The following MROH9 variants were observed in gnomAD, a reference collection of about 807,000 sequenced individuals.
The protein encoded by MROH9 is maestro heat-like repeat-containing protein family member 9.
MROH9 carries 92 observed loss-of-function variants against 98.2 expected under a neutral mutation model. That is an observed-to-expected ratio of 0.94 (90% CI 0.79 to 1.11). MROH9 has a LOEUF of 1.11. Among genes scored for constraint, MROH9 ranks in the 50% most tolerant of loss-of-function variants. The probability of loss-of-function intolerance (pLI) is 0.00; values close to 1 mark genes in which losing one functional copy is unlikely to be tolerated. For synonymous variants in MROH9, 397 were observed against 368.9 expected (o/e 1.08, Z -0.87); for missense variants, 1,057 against 1,014.8 (o/e 1.04, Z -0.57).
chr1:170,952,127 T>C (rs1341173712), intron 3 of MROH9, among the ~76,000 whole-genome samples: 1 of 151,766 alleles, frequency 6.6e-6, no homozygotes, highest in Non-Finnish European at 1.5e-5. Flanking sequence ...TGTGGAGAAA[T>C]AGGAACACTT....
intron 3 of MROH9, among the ~76,000 whole-genome samples, chr1:170,948,669 A>G (rs944146616): frequency 1.3e-5 from 2 of 152,130 alleles, no homozygotes; most frequent in African/African-American, 4.8e-5. Flanking sequence ...TAAAAAATTC[A>G]GTAGTTAGAA....
chr1:171,033,159 G>C (rs761092800), intron 20 of MROH9, among the ~76,000 whole-genome samples: 4 of 152,258 alleles, frequency 2.6e-5, no homozygotes, highest in Non-Finnish European at 4.4e-5. Flanking sequence ...TGGGGCTTTA[G>C]AAATGGGTGC....
chr1:171,038,173 A>G (rs1198654872), intron 20 of MROH9, among the ~76,000 whole-genome samples: 1 of 152,110 alleles, frequency 6.6e-6, no homozygotes, highest in East Asian at 1.9e-4. Context: ...ATGAATTCTC[A>G]CTGTCTAAAG....
At chr1:170,968,786 T>C (rs940570035) in intron 7 of MROH9, among the ~76,000 whole-genome samples, 1 of 151,722 alleles carries the variant, frequency 6.6e-6, no homozygotes, top group Non-Finnish European at 1.5e-5. Flanking sequence ...AAAAATAAAA[T>C]AAAGAGATAA....
rs746726636 is a variant in MROH9 at position 170,996,617 on chromosome 1, A to T, written c.1448A>T (p.Tyr483Phe). 9 of 1,613,422 alleles carry T rather than the reference A, an allele frequency of 5.6e-6. No individual in the cohort carries two copies. The highest frequency in any genetic ancestry group is 1.7e-6 in the Non-Finnish European group (2 of 1,179,630). Residue 483 changes from tyrosine to phenylalanine, a missense_variant, in exon 14 of 22, where the codon TAC becomes TTC. Transcript: ENST00000367759. ...GACCAGTTATCTGAAGATCTGTGTT[A>T]CTATCATGGAGTCTGCTTTATTGCT... ...FWDQLSEDLC[Y>F]YHGVCFIAKT...
chr1:171,055,630 A>G (rs889989227), intron 20 of MROH9, among the ~76,000 whole-genome samples: 2 of 151,606 alleles, frequency 1.3e-5, no homozygotes, highest in African/African-American at 4.8e-5. Context: ...AAAAAAAAAA[A>G]AAAAAAAAAA....
At position 171,016,268 on chromosome 1, in the gene MROH9, G is replaced by A. The variant is rs866331989; in HGVS notation, c.1840G>A (p.Glu614Lys). 3.2e-6 allele frequency: 5 copies of A among 1,538,634 alleles called. No homozygotes were observed. The highest frequency in any genetic ancestry group is 2.5e-5 in the East Asian group (1 of 40,018). Residue 614 changes from glutamate to lysine, a missense_variant, in exon 17 of 22, where the codon GAA (glutamate) becomes AAA (lysine). Physicochemically the swap from Glu to Lys is moderately conservative, Grantham distance 56 (BLOSUM62 1). Transcript: ENST00000367759. ...ALLTLRRLLN[E>K]LDKVTYSLGT... is the part of the protein sequence containing the mutation. Reference sequence around the variant, plus strand: ...GCTCACCCTTAGAAGGCTTTTAAACGAACTGGACAAAGTGACCTACTCTTT... The same window carrying A: ...GCTCACCCTTAGAAGGCTTTTAAACAAACTGGACAAAGTGACCTACTCTTT...
In MROH9 at chr1:170,989,903, T is replaced by C; in HGVS notation, c.928T>C (p.Cys310Arg). 6.2e-7 allele frequency: 1 copy of C among 1,612,630 alleles called. No individual in the cohort carries two copies. The highest frequency in any genetic ancestry group is 8.5e-7 in the Non-Finnish European group (1 of 1,178,902). The change falls in exon 11 of 22, where the codon TGT becomes CGT. Residue 310 changes from cysteine to arginine, a missense_variant. Physicochemically the swap from Cys to Arg is radical, Grantham distance 180. Coordinates refer to ENST00000367759, the MANE Select transcript of MROH9 (RefSeq NM_001163629.2). ...TTACAGGCAACTGTGTGATAACAATTGTATGAAGGATGTTATGTTGCAGGT... is the reference window on the plus strand; with the variant it reads ...TTACAGGCAACTGTGTGATAACAATCGTATGAAGGATGTTATGTTGCAGGT... Reference protein sequence around the residue: ...AIYRQLCDNNCMKDVMLQVIT... With the variant: ...AIYRQLCDNNRMKDVMLQVIT...
intron 3 of MROH9, among the ~76,000 whole-genome samples, chr1:170,957,436 C>T (rs1191156992): frequency 6.6e-6 from 1 of 152,140 alleles, no homozygotes; most frequent in East Asian, 1.9e-4. Flanking sequence ...CTGTCCTTTG[C>T]CCATTGTGAA....
At chr1:171,032,500 C>G (rs1481943459) in intron 20 of MROH9, among the ~76,000 whole-genome samples, 1 of 151,824 alleles carries the variant, frequency 6.6e-6, no homozygotes, top group African/African-American at 2.4e-5. Context: ...TTTCTTTCTG[C>G]TTGTTTTTCT....
At chr1:170,953,765 A>G (rs1649648654) in intron 3 of MROH9, among the ~76,000 whole-genome samples, 1 of 150,870 alleles carries the variant, frequency 6.6e-6, no homozygotes. Flanking sequence ...AAGAAAGAGA[A>G]AGAAAGGATG....
At chr1:170,954,703 T>C (rs1326871939) in intron 3 of MROH9, among the ~76,000 whole-genome samples, 2 of 152,086 alleles carry the variant, frequency 1.3e-5, no homozygotes, top group Non-Finnish European at 2.9e-5. Context: ...ATAATACTTA[T>C]CCTAACAGGT....
intron 8 of MROH9, among the ~76,000 whole-genome samples, chr1:170,981,237 T>C (rs1650917886): frequency 6.6e-6 from 1 of 152,154 alleles, no homozygotes; most frequent in Non-Finnish European, 1.5e-5. Context: ...AGAATACCAT[T>C]TAACCAGCAA....
intron 8 of MROH9, among the ~76,000 whole-genome samples, chr1:170,977,660 T>G (rs968450045): frequency 6.6e-6 from 1 of 152,186 alleles, no homozygotes; most frequent in Admixed American, 6.5e-5. Flanking sequence ...CCTTTCCCAC[T>G]TAAGTGTTGG....
At chr1:171,047,924 G>A (rs185975503) in intron 20 of MROH9, among the ~76,000 whole-genome samples, 112 of 152,284 alleles carry the variant, frequency 7.4e-4, no homozygotes, top group African/African-American at 3.4e-4. Context: ...TGCCTTGATC[G>A]TCTTGGACAA....
chr1:171,040,675 A>C (rs1321957390), intron 20 of MROH9, among the ~76,000 whole-genome samples: 1 of 152,132 alleles, frequency 6.6e-6, no homozygotes, highest in East Asian at 1.9e-4. Context: ...TAGTGTTACT[A>C]TCTGTAAAAT....
intron 20 of MROH9, among the ~76,000 whole-genome samples, chr1:171,044,580 G>A (rs1389138619): frequency 1.3e-5 from 2 of 152,104 alleles, no homozygotes; most frequent in South Asian, 2.1e-4. Context: ...CAACAGTAAA[G>A]CCATCAGGTT....
At chr1:171,020,118 T>TTTCAC (rs1557900998) in intron 17 of MROH9, among the ~76,000 whole-genome samples, 2 of 152,238 alleles carry the variant, frequency 1.3e-5, no homozygotes, top group East Asian at 3.9e-4. Flanking sequence ...ATTGTGGCAG[T>TTTCAC]AATTAATAGC....
intron 20 of MROH9, among the ~76,000 whole-genome samples, chr1:171,046,271 T>G (rs929782626): frequency 1.2e-4 from 19 of 152,182 alleles, no homozygotes; most frequent in African/African-American, 4.6e-4. Context: ...GTCTTTTGAT[T>G]GGGGAATTTA....
Sources: gnomAD v4.1 joint callset for allele counts (sites outside exome capture counted in the v4.1 genomes callset) on GRCh38, gnomAD v4.1.1 for gene constraint, MANE v1.5 for transcripts, NCBI Gene and HGNC (gene_info 2026-07-23, HGNC 2026-07-21) for gene names.